CCDC175: variants seen among roughly 807,000 people sequenced by gnomAD.
CCDC175 encodes coiled-coil domain containing 175, also known as coiled-coil domain-containing protein 175.
Under a neutral mutation model 114.6 loss-of-function variants are expected in CCDC175, and 100 were observed. The observed-to-expected ratio is 0.87, with a 90% CI of 0.74 to 1.03. The LOEUF is 1.03. CCDC175 is among the 50% of genes least tolerant of loss of function. CCDC175 has a pLI of 0.00. For missense variants in CCDC175, 880 were observed against 917.8 expected, an observed-to-expected ratio of 0.96 and a Z score of 0.53; for synonymous variants, 306 against 308.7, an observed-to-expected ratio of 0.99 and a Z score of 0.09.
intron 6 of CCDC175, among the ~76,000 whole-genome samples, chr14:59,562,127 G>A (rs1896253403): frequency 6.6e-6 from 1 of 152,214 alleles, no homozygotes; most frequent in Non-Finnish European, 1.5e-5. Flanking sequence ...TGAGCTAAAT[G>A]TTGAGAGGCC....
chr14:59,551,148 T>C, intron 8 of CCDC175: 1 of 351,866 alleles, frequency 2.8e-6, no homozygotes, highest in Non-Finnish European at 5.1e-6. Flanking sequence ...CAAAAAACAG[T>C]TCCTCTGTAC....
In CCDC175 at chr14:59,505,112, G is replaced by A. The variant is rs1892255726; in HGVS notation, c.*127C>T. ...GTTTATTTACTGATACTTGGTGGAG[G>A]TTGTGTGAATTAGTTAAATTTTAAA... On this transcript the variant is annotated 3_prime_UTR_variant, in exon 20 of 20. Transcript: ENST00000537690. 1 of 453,750 alleles carries A rather than the reference G, an allele frequency of 2.2e-6. No homozygotes were observed. The highest frequency in any genetic ancestry group is 3.9e-6 in the Non-Finnish European group (1 of 255,260). The allele number at this position is 453,750 out of a possible 1,614,324, so 28.1% of individuals were successfully genotyped here.
intron 7 of CCDC175, among the ~76,000 whole-genome samples, chr14:59,556,796 G>C (rs551769741): frequency 6.6e-6 from 1 of 152,280 alleles, no homozygotes; most frequent in African/African-American, 2.4e-5. Flanking sequence ...CCATCAAAAA[G>C]TGGGCAAAGT....
At position 59,559,606 on chromosome 14, in the gene CCDC175, C is replaced by T. The variant is rs117146552; in HGVS notation, c.953+1513G>A. 2.7e-3 allele frequency among the ~76,000 whole-genome samples: 409 copies of T among 152,212 alleles called. 1 individual carries two copies. The highest frequency in any genetic ancestry group is 4.6e-3 in the Non-Finnish European group (310 of 68,006). On this transcript the variant is annotated intron_variant, in intron 7 of 19. Transcript: ENST00000537690. ...CTTATAGAAATCTTATAAAACAGCACTGATTCTTCAAATCCACCAAGCGGG... is the reference window on the plus strand; with the variant it reads ...CTTATAGAAATCTTATAAAACAGCATTGATTCTTCAAATCCACCAAGCGGG...
intron 16 of CCDC175, among the ~76,000 whole-genome samples, chr14:59,523,334 T>C (rs746469119): frequency 6.6e-6 from 1 of 152,086 alleles, no homozygotes; most frequent in East Asian, 1.9e-4. Context: ...TTTTAGTTTA[T>C]AAAAAAACCC....
At position 59,511,674 on chromosome 14, in the gene CCDC175, AC is replaced by A. The variant is rs1418950873; in HGVS notation, c.2142+85del. ...TGCGTGCATGCAGGTGCACACAGAC[AC>A]AAAAGCACACACACTTATTAGGTAG... On this transcript the variant is annotated intron_variant, in intron 18 of 19. Transcript: ENST00000537690. The A allele has an allele frequency of 1.1e-5, 13 of 1,135,690 alleles. No individual in the cohort carries two copies. The East Asian group carries it at 2.8e-4, about 25-fold the overall frequency. The allele number at this position is 1,135,690 out of a possible 1,614,324, so 70.4% of individuals were successfully genotyped here.
intron 7 of CCDC175, among the ~76,000 whole-genome samples, chr14:59,560,110 C>T (rs1250784881): frequency 6.6e-6 from 1 of 151,892 alleles, no homozygotes; most frequent in Non-Finnish European, 1.5e-5. Context: ...ATTAATTGAG[C>T]TTTCTTAATT....
chr14:59,525,296 T>C lies in CCDC175; in HGVS notation c.1981A>G (p.Lys661Glu). The C allele has an allele frequency of 6.9e-7, 1 of 1,454,084 alleles. No homozygotes were observed. The highest frequency in any genetic ancestry group is 9.0e-7 in the Non-Finnish European group (1 of 1,113,634). 90.1% of individuals were successfully genotyped at this position (1,454,084 alleles called of 1,614,324 possible). Residue 661 changes from lysine to glutamate, a missense_variant, in exon 16 of 20, where the codon AAA (lysine) becomes GAA (glutamate). Lys to Glu is a moderately conservative substitution (Grantham distance 56). Coordinates refer to ENST00000537690, the MANE Select transcript of CCDC175 (RefSeq NM_001164399.2). ...QKADLLLLEN[K>E]KLKEYILYLK... is the part of the protein sequence containing the mutation. ...CTTAAACTTACTTCTTTTAATTTTT[T>C]ATTTTCCAGGAGCAGAAGATCTGCT... is the stretch of plus-strand genomic sequence containing the variant.
chr14:59,572,753 G>T lies in CCDC175; in HGVS notation c.304C>A (p.Leu102Ile). The T allele has an allele frequency of 6.6e-7, 1 of 1,521,086 alleles. No individual in the cohort carries two copies. Among genetic ancestry groups the T allele is most frequent in the Non-Finnish European group, 8.7e-7 (1 of 1,143,058 alleles). The allele number at this position is 1,521,086 out of a possible 1,614,324, so 94.2% of individuals were successfully genotyped here. A position where few individuals can be genotyped will look rare whatever the true frequency, so the allele number is the denominator to read the frequency against. ...LEIESMELNK[L>I]YYLLETLPNS... ...GGAAGAGTTTCCAATAGATAGTATA[G>T]TTTGTTGAGTTCCATGCTTTCAATC... Residue 102 changes from leucine to isoleucine, a missense_variant, in exon 3 of 20, where the codon CTA (leucine) becomes ATA (isoleucine). Transcript: ENST00000537690.
chr14:59,510,477 CAA>C (rs1594971728), intron 19 of CCDC175, 167 bp downstream of exon 19: 3 of 694,952 alleles, frequency 4.3e-6, no homozygotes, highest in Admixed American at 2.1e-5. Context: ...GATAACACTA[CAA>C]GAGTATTCAA....
At chr14:59,575,073 A>G (rs541011204) in intron 1 of CCDC175, 45 bp from the exon 2 acceptor site, 1 of 1,088,878 alleles carries the variant, frequency 9.2e-7, no homozygotes, top group Non-Finnish European at 1.3e-6. Context: ...TTATCTATCC[A>G]AATCCTACTT....
chr14:59,530,451 G>A (rs1453564509), intron 14 of CCDC175, among the ~76,000 whole-genome samples: 1 of 147,826 alleles, frequency 6.8e-6, no homozygotes, highest in Non-Finnish European at 1.5e-5. Flanking sequence ...GGGAAGGGGA[G>A]GGGAGAGGAG....
At chr14:59,557,619 C>G (rs28578563) in intron 7 of CCDC175, among the ~76,000 whole-genome samples, 14,253 of 107,840 alleles carry the variant, frequency 0.13, 791 homozygotes, top group South Asian at 0.21. Flanking sequence ...GTATAAAAAA[C>G]AAAAAGAAAA....
chr14:59,540,844 T>C, intron 10 of CCDC175, 98 bp from the exon 11 acceptor site: 7 of 1,015,836 alleles, frequency 6.9e-6, no homozygotes, highest in Non-Finnish European at 9.9e-6. Context: ...AAGGCTATAG[T>C]CTAATTGGGA....
At chr14:59,509,331 T>A (rs916170113) in intron 19 of CCDC175, among the ~76,000 whole-genome samples, 2 of 152,148 alleles carry the variant, frequency 1.3e-5, no homozygotes, top group African/African-American at 4.8e-5. Flanking sequence ...CATTCGTACA[T>A]CATAAGTATC....
At chr14:59,525,244 C>A in intron 16 of CCDC175, 38 bp downstream of exon 16, 1 of 1,357,568 alleles carries the variant, frequency 7.4e-7, no homozygotes, top group South Asian at 1.7e-5. Flanking sequence ...GTCAATTAAT[C>A]AAAGCCATCA....
intron 16 of CCDC175, 25 bp from the exon 17 acceptor site, chr14:59,521,701 C>A (rs1190439595): frequency 7.7e-7 from 1 of 1,295,854 alleles, no homozygotes; most frequent in Admixed American, 2.0e-5. Flanking sequence ...CATGTGATTG[C>A]TTTTAGCAGT....
intron 13 of CCDC175, among the ~76,000 whole-genome samples, chr14:59,537,648 G>A (rs1333077279): frequency 1.3e-5 from 2 of 151,992 alleles, no homozygotes; most frequent in Non-Finnish European, 2.9e-5. Flanking sequence ...TTGGCTTTTG[G>A]CAGTTCTCAA....
At chr14:59,518,632 C>G (rs1893248190) in intron 17 of CCDC175, among the ~76,000 whole-genome samples, 1 of 152,172 alleles carries the variant, frequency 6.6e-6, no homozygotes, top group Admixed American at 6.5e-5. Flanking sequence ...CATCTCACAC[C>G]AGTTAGAATG....
Sources: gnomAD v4.1 joint callset for allele counts (sites outside exome capture counted in the v4.1 genomes callset) on GRCh38, gnomAD v4.1.1 for gene constraint, MANE v1.5 for transcripts, NCBI Gene and HGNC (gene_info 2026-07-23, HGNC 2026-07-21) for gene names.